The following TAF1L variants were observed in gnomAD, a reference collection of about 807,000 sequenced individuals.
TAF1L encodes TATA-box binding protein associated factor 1 like.
In TAF1L, 30 loss-of-function variants were observed where a neutral mutation model predicts 128.8. That is an observed-to-expected ratio of 0.23 (90% CI 0.17 to 0.32). TAF1L has a LOEUF of 0.32. TAF1L is among the 10% of genes least tolerant of loss of function. TAF1L has a pLI of 1.00. For synonymous variants in TAF1L, 764 were observed against 790.7 expected, an observed-to-expected ratio of 0.97 and a Z score of 0.57; for missense variants, 2,099 against 2,253.7, an observed-to-expected ratio of 0.93 and a Z score of 1.39.
At position 32,629,815 on chromosome 9, in the gene TAF1L, C is replaced by A; in HGVS notation, c.*284G>T. ...TGGGGATTACAGGCGTGCACCACCA[C>A]ACCTGGCTAATTTTTGTATTTTTAG... is the stretch of plus-strand genomic sequence containing the variant. On this transcript the variant is annotated 3_prime_UTR_variant, in exon 1 of 1. Transcript: ENST00000242310. The A allele has an allele frequency of 1.8e-6, 1 of 564,588 alleles. No homozygotes were observed. The highest frequency in any genetic ancestry group is 3.1e-6 in the Non-Finnish European group (1 of 321,254). The allele number at this position is 564,588 out of a possible 1,614,324, so 35.0% of individuals were successfully genotyped here. A position where few individuals can be genotyped will look rare whatever the true frequency, so the allele number is the denominator to read the frequency against.
Position 32,634,780 on chromosome 9 carries a change from G to C in TAF1L, c.800C>G (p.Pro267Arg). 1 of 1,614,164 alleles carries C rather than the reference G, an allele frequency of 6.2e-7. No individual in the cohort carries two copies. Among genetic ancestry groups the C allele is most frequent in the Non-Finnish European group, 8.5e-7 (1 of 1,180,032 alleles). ...CCAAACAGATGGGACATTCTTCCCT[G>C]GTCCAAAAAGATGTAGGAAGCGTAA... is the stretch of plus-strand genomic sequence containing the variant. Reference protein sequence around the residue: ...KVLRFLHLFGPGKNVPSVWRS... With the variant: ...KVLRFLHLFGRGKNVPSVWRS... The change falls in exon 1 of 1, where the codon CCA (proline) becomes CGA (arginine). Residue 267 changes from proline (P) to arginine (R), a missense_variant. Pro to Arg is a moderately radical substitution (Grantham distance 103, BLOSUM62 -2). Transcript: ENST00000242310.
Position 32,635,095 on chromosome 9 carries a change from G to T in TAF1L, c.485C>A (p.Pro162Gln). The T allele has an allele frequency of 6.2e-7, 1 of 1,614,096 alleles. No homozygotes were observed. Among genetic ancestry groups the T allele is most frequent in the Non-Finnish European group, 8.5e-7 (1 of 1,180,032 alleles). ...GTCCTTATCCTTCTTCATTGGTCCC[G>T]GGGGTGGAGGTGGAGGAGGCATCAA... is the stretch of plus-strand genomic sequence containing the variant. ...CKLMPPPPPP[P>Q]GPMKKDKDQD... Residue 162 changes from proline to glutamine, a missense_variant, in exon 1 of 1, where the codon CCG (proline) becomes CAG (glutamine). Transcript: ENST00000242310.
chr9:32,633,182 C>T lies in TAF1L; in HGVS notation c.2398G>A (p.Val800Met). Residue 800 changes from valine to methionine, a missense_variant, in exon 1 of 1, where the codon GTG (valine) becomes ATG (methionine). Val to Met is a conservative substitution (Grantham distance 21). Around this residue, in one of 4 missense-constraint regions of TAF1L, gnomAD observed 1,213 missense variants for 1,391.4 expected, o/e 0.87. Coordinates refer to ENST00000242310, the MANE Select transcript of TAF1L (RefSeq NM_153809.2). ...YYIRELVDIFVVGQQCPLFEV... is the reference protein window; with the variant it reads ...YYIRELVDIFMVGQQCPLFEV... The stretch of plus-strand genomic sequence containing the variant: ...AACAAGGGACACTGCTGGCCAACCA[C>T]AAAAATATCCACTAATTCCCGAATA... 1.2e-6 allele frequency: 2 copies of T among 1,614,136 alleles called. No homozygotes were observed. Among genetic ancestry groups the T allele is most frequent in the Non-Finnish European group, 8.5e-7 (1 of 1,180,016 alleles).
rs979294440 is a variant in TAF1L, at chr9:32,631,304, T to A, written c.4276A>T (p.Thr1426Ser). The A allele has an allele frequency of 1.2e-6, 2 of 1,613,830 alleles. No individual in the cohort carries two copies. ...RDLPNTHPFH[T>S]PVNAKVVKDY... ...TTTACAACCTTTGCATTGACTGGAG[T>A]GTGGAAAGGGTGTGTATTTGGAAGA... Residue 1426 changes from threonine to serine, a missense_variant, in exon 1 of 1, where the codon ACT becomes TCT. Around this residue, in one of 4 missense-constraint regions of TAF1L, gnomAD observed 1,213 missense variants for 1,391.4 expected, o/e 0.87. Transcript: ENST00000242310. This position sits in a 1 kb window ranked among gnomAD's most constrained non-coding sequence, Gnocchi z 4.1.
rs1464697184 is a variant in TAF1L, at chr9:32,633,340, G to A, written c.2240C>T (p.Ser747Phe). 2 of 1,614,262 alleles carry A rather than the reference G, an allele frequency of 1.2e-6. No individual in the cohort carries two copies. The highest frequency in any genetic ancestry group is 2.2e-5 in the South Asian group (2 of 91,086). The change falls in exon 1 of 1, where the codon TCT becomes TTT. Residue 747 changes from serine (S) to phenylalanine (F), a missense_variant. Physicochemically the swap from Ser to Phe is radical, Grantham distance 155. Transcript: ENST00000242310. ...AGGATGGAGAGAGCCCAAGAAAGGA[G>A]ATGTATGGCAGTAAACAGTTTCCCC... is the stretch of plus-strand genomic sequence containing the variant. ...KYGETVYCHT[S>F]PFLGSLHPGQ...
Position 32,633,036 on chromosome 9 carries a change from A to G in TAF1L, c.2544T>C (p.Asp848=), listed in dbSNP as rs372499100. 14 of 1,614,050 alleles carry G rather than the reference A, an allele frequency of 8.7e-6. No homozygotes were observed. The highest frequency in any genetic ancestry group is 1.2e-5 in the Non-Finnish European group (14 of 1,180,028). ...KDRPRRIRME[D]IKKAFPSHSE... is the part of the protein sequence containing the mutation. ...AATGGGAAGGAAAGGCTTTTTTTAT[A>G]TCTTCCATTCGTATCCTCCGTGGCC... The change falls in exon 1 of 1, where the codon GAT becomes GAC. Residue 848 remains aspartate (D), a synonymous_variant. Coordinates refer to ENST00000242310, the MANE Select transcript of TAF1L (RefSeq NM_153809.2).
rs760765396 is a variant in TAF1L, at chr9:32,633,398, C to T, written c.2182G>A (p.Gly728Ser). ...KIKNYYKRKP[G>S]KDPGAPDCKY... ...CAATCTGGTGCTCCAGGATCTTTGC[C>T]AGGTTTCCGTTTATAATAGTTCTTT... Residue 728 changes from glycine (G) to serine (S), a missense_variant, in exon 1 of 1, where the codon GGC becomes AGC. By Grantham distance (56) the Gly-to-Ser change is moderately conservative. Coordinates refer to ENST00000242310, the MANE Select transcript of TAF1L (RefSeq NM_153809.2). 5 of 1,614,060 alleles carry T rather than the reference C, an allele frequency of 3.1e-6. No homozygotes were observed. In the African/African-American group the frequency reaches 6.7e-5, roughly 22 times the overall value.
chr9:32,633,803 A>G lies in TAF1L; in HGVS notation c.1777T>C (p.Phe593Leu). Residue 593 changes from phenylalanine to leucine, a missense_variant, in exon 1 of 1, where the codon TTC becomes CTC. By Grantham distance (22) the Phe-to-Leu change is conservative. Coordinates refer to ENST00000242310, the MANE Select transcript of TAF1L (RefSeq NM_153809.2). The part of the protein sequence containing the change: ...PWNLSNDEYY[F>L]PKQQGLRGTF... ...CCCCGAAGACCCTGTTGCTTGGGGA[A>G]ATAATACTCATCATTGGAGAGATTC... 1 of 1,614,190 alleles carries G rather than the reference A, an allele frequency of 6.2e-7. No individual in the cohort carries two copies. Among genetic ancestry groups the G allele is most frequent in the Non-Finnish European group, 8.5e-7 (1 of 1,180,028 alleles).
In TAF1L at chr9:32,629,981, T is replaced by C; in HGVS notation, c.*118A>G. The C allele has an allele frequency of 6.4e-7, 1 of 1,551,988 alleles. No individual in the cohort carries two copies. Among genetic ancestry groups the C allele is most frequent in the East Asian group, 2.2e-5 (1 of 44,534 alleles). On this transcript the variant is annotated 3_prime_UTR_variant, in exon 1 of 1. Coordinates refer to ENST00000242310, the MANE Select transcript of TAF1L (RefSeq NM_153809.2). ...GGAAATTTCCGATGCTGCTGAAGCT[T>C]GTGTCTTGGGTGTTCAACTTGGGAT...
Position 32,635,192 on chromosome 9 carries a change from A to G in TAF1L, c.388T>C (p.Leu130=), listed in dbSNP as rs1339442085. Residue 130 remains leucine (L), a synonymous_variant, in exon 1 of 1, where the codon TTG becomes CTG. Coordinates refer to ENST00000242310, the MANE Select transcript of TAF1L (RefSeq NM_153809.2). The part of the protein sequence containing the change: ...SQRHQQTMGS[L]QPLYHSDYDE... ...TAATCCGAGTGGTAAAGGGGCTGCA[A>G]GCTCCCCATCGTCTGCTGGTGTCTT... 1.2e-6 allele frequency: 2 copies of G among 1,614,088 alleles called. No homozygotes were observed. Among genetic ancestry groups the G allele is most frequent in the South Asian group, 1.1e-5 (1 of 91,072 alleles).
In TAF1L at chr9:32,632,512, T is replaced by C. The variant is rs771258217; in HGVS notation, c.3068A>G (p.Lys1023Arg). 1.9e-6 allele frequency: 3 copies of C among 1,614,248 alleles called. No homozygotes were observed. Among genetic ancestry groups the C allele is most frequent in the Non-Finnish European group, 2.5e-6 (3 of 1,180,046 alleles). ...DLRRLSLKNA[K>R]QLLRKFGVPE... is the part of the protein sequence containing the mutation. ...CACACCAAATTTACGTAGAAGTTGC[T>C]TGGCATTTTTCAGGGAAAGGCGACG... The change falls in exon 1 of 1, where the codon AAG (lysine) becomes AGG (arginine). Residue 1023 changes from lysine to arginine, a missense_variant. Lys to Arg is a conservative substitution (Grantham distance 26). Transcript: ENST00000242310. This position sits in a 1 kb window ranked among gnomAD's most constrained non-coding sequence, Gnocchi z 4.4.
chr9:32,635,165 C>T lies in TAF1L; in HGVS notation c.415G>A (p.Asp139Asn). ...CAATCAGCATCATAGTCATCTTCAT[C>T]ATAATCCGAGTGGTAAAGGGGCTGC... ...SLQPLYHSDY[D>N]EDDYDADCED... The change falls in exon 1 of 1, where the codon GAT becomes AAT. Residue 139 changes from aspartate (D) to asparagine (N), a missense_variant. Coordinates refer to ENST00000242310, the MANE Select transcript of TAF1L (RefSeq NM_153809.2). 6.2e-7 allele frequency: 1 copy of T among 1,614,178 alleles called. No individual in the cohort carries two copies. The highest frequency in any genetic ancestry group is 1.3e-5 in the African/African-American group (1 of 75,032).
chr9:32,630,726 G>C lies in TAF1L; in HGVS notation c.4854C>G (p.Ile1618Met). The change falls in exon 1 of 1, where the codon ATC becomes ATG. Residue 1618 changes from isoleucine to methionine, a missense_variant. Transcript: ENST00000242310. ...CATACTCAGTAATTGTCTGGTAACAGATGTTCACAATCTCCTGAGCAGTCT... is the reference window on the plus strand; with the variant it reads ...CATACTCAGTAATTGTCTGGTAACACATGTTCACAATCTCCTGAGCAGTCT... Reference protein sequence around the residue: ...YTKTAQEIVNICYQTITEYDE... With the variant: ...YTKTAQEIVNMCYQTITEYDE... 1 of 1,614,172 alleles carries C rather than the reference G, an allele frequency of 6.2e-7. No individual in the cohort carries two copies. Among genetic ancestry groups the C allele is most frequent in the Non-Finnish European group, 8.5e-7 (1 of 1,180,034 alleles).
In TAF1L at chr9:32,633,723, C is replaced by T; in HGVS notation, c.1857G>A (p.Gln619=). The change falls in exon 1 of 1, where the codon CAG becomes CAA. Residue 619 remains glutamine (Q), a synonymous_variant. Transcript: ENST00000242310. The part of the protein sequence containing the change: ...QHSIPAMELW[Q]PFFPTHMGPI... ...GCCCCATGTGGGTGGGAAAGAAGGGCTGCCATAATTCCATAGCAGGAATTG... is the reference window on the plus strand; with the variant it reads ...GCCCCATGTGGGTGGGAAAGAAGGGTTGCCATAATTCCATAGCAGGAATTG... The T allele has an allele frequency of 1.2e-6, 2 of 1,614,200 alleles. No homozygotes were observed. The highest frequency in any genetic ancestry group is 1.1e-5 in the South Asian group (1 of 91,080).
chr9:32,632,637 T>A lies in TAF1L; in HGVS notation c.2943A>T (p.Gly981=), dbSNP rs768801122. ...TATTTGGAATCTTCACATAGGAGAA[T>A]CCTTCACCACACCCTGTGGGATCTG... The part of the protein sequence containing the change: ...GVADPTGCGE[G]FSYVKIPNKP... The change falls in exon 1 of 1, where the codon GGA becomes GGT. Residue 981 remains glycine, a synonymous_variant. Coordinates refer to ENST00000242310, the MANE Select transcript of TAF1L (RefSeq NM_153809.2). This position sits in a 1 kb window ranked among gnomAD's most constrained non-coding sequence, Gnocchi z 4.4. 3.1e-6 allele frequency: 5 copies of A among 1,614,204 alleles called. No individual in the cohort carries two copies. In the South Asian group the frequency reaches 4.4e-5, roughly 14 times the overall value.
rs753541946 is a variant in TAF1L at position 32,630,346 on chromosome 9, G to C, written c.5234C>G (p.Ala1745Gly). 6 of 1,614,030 alleles carry C rather than the reference G, an allele frequency of 3.7e-6. No homozygotes were observed. In the African/African-American group the frequency reaches 5.3e-5, roughly 14 times the overall value. Residue 1745 changes from alanine (A) to glycine (G), a missense_variant, in exon 1 of 1, where the codon GCA becomes GGA. Physicochemically the swap from Ala to Gly is moderately conservative, Grantham distance 60. Around this residue, in one of 4 missense-constraint regions of TAF1L, gnomAD observed 404 missense variants for 406.5 expected, o/e 0.99. Transcript: ENST00000242310. ...PAPEGGDGDL[A>G]DEEEGTVQQP... Reference sequence around the variant, plus strand: ...TTGTACAGTTCCTTCCTCTTCATCTGCAAGATCACCATCTCCCCCTTCTGG... The same window carrying C: ...TTGTACAGTTCCTTCCTCTTCATCTCCAAGATCACCATCTCCCCCTTCTGG...
Position 32,632,411 on chromosome 9 carries a change from G to C in TAF1L, c.3169C>G (p.His1057Asp). The change falls in exon 1 of 1, where the codon CAT becomes GAT. Residue 1057 changes from histidine (H) to aspartate (D), a missense_variant. Physicochemically the swap from His to Asp is moderately conservative, Grantham distance 81. Around this residue, in one of 4 missense-constraint regions of TAF1L, gnomAD observed 1,213 missense variants for 1,391.4 expected, o/e 0.87. Coordinates refer to ENST00000242310, the MANE Select transcript of TAF1L (RefSeq NM_153809.2). The surrounding 1 kb of genome is among the most constrained non-coding windows in gnomAD (Gnocchi z 4.4). ...TTACTCATGGGCCCCTCTCCAGAATGAGCCTGTTCTGTTGACATTGTGCGC... is the reference window on the plus strand; with the variant it reads ...TTACTCATGGGCCCCTCTCCAGAATCAGCCTGTTCTGTTGACATTGTGCGC... The part of the protein sequence containing the change: ...VVRTMSTEQA[H>D]SGEGPMSKFA... The C allele has an allele frequency of 1.2e-6, 2 of 1,614,190 alleles. No homozygotes were observed. The highest frequency in any genetic ancestry group is 2.2e-5 in the East Asian group (1 of 44,882).
Position 32,633,625 on chromosome 9 carries a change from G to T in TAF1L, c.1955C>A (p.Pro652His). Residue 652 changes from proline to histidine, a missense_variant, in exon 1 of 1, where the codon CCC becomes CAC. Pro to His is a moderately conservative substitution (Grantham distance 77). Around this residue, in one of 4 missense-constraint regions of TAF1L, gnomAD observed 1,213 missense variants for 1,391.4 expected, o/e 0.87. Transcript: ENST00000242310. ...CTTTAGCAAAGGTTGGACTGAATGGGGACCTGGCTGAGAGAGTGCACCAAA... is the reference window on the plus strand; with the variant it reads ...CTTTAGCAAAGGTTGGACTGAATGGTGACCTGGCTGAGAGAGTGCACCAAA... ...YSFGALSQPG[P>H]HSVQPLLKHI... 6.2e-7 allele frequency: 1 copy of T among 1,614,136 alleles called. No individual in the cohort carries two copies. The highest frequency in any genetic ancestry group is 8.5e-7 in the Non-Finnish European group (1 of 1,180,028).
rs764176652 is a variant in TAF1L, at chr9:32,632,434, C to T, written c.3146G>A (p.Arg1049His). The T allele has an allele frequency of 5.7e-5, 92 of 1,614,090 alleles. No individual in the cohort carries two copies. Among genetic ancestry groups the T allele is most frequent in the Admixed American group, 2.2e-4 (13 of 60,002 alleles). The stretch of plus-strand genomic sequence containing the variant: ...ATGAGCCTGTTCTGTTGACATTGTG[C>T]GCACCACATCAATCACTTCCCAGCG... ...LSRWEVIDVV[R>H]TMSTEQAHSG... The change falls in exon 1 of 1, where the codon CGC becomes CAC. Residue 1049 changes from arginine (R) to histidine (H), a missense_variant. Around this residue, in one of 4 missense-constraint regions of TAF1L, gnomAD observed 1,213 missense variants for 1,391.4 expected, o/e 0.87. Coordinates refer to ENST00000242310, the MANE Select transcript of TAF1L (RefSeq NM_153809.2). The surrounding 1 kb of genome is among the most constrained non-coding windows in gnomAD (Gnocchi z 4.4).
Sources: gnomAD v4.1 joint callset for allele counts on GRCh38, gnomAD v4.1.1 for gene constraint, gnomAD v4.1.1 regional missense constraint, Gnocchi (gnomAD v3.1) non-coding constraint, MANE v1.5 for transcripts, NCBI Gene and HGNC (gene_info 2026-07-23, HGNC 2026-07-21) for gene names.